Variants in CDC37L1 observed in about 807,000 individuals in gnomAD.
CDC37L1 encodes the protein cell division cycle 37 like 1, HSP90 cochaperone.
In CDC37L1, 32 loss-of-function variants were observed where a neutral mutation model predicts 45.9. The ratio of observed to expected loss-of-function variants is 0.70; its 90% CI spans 0.53 to 0.94. CDC37L1 has a LOEUF of 0.94. Among genes scored for constraint, CDC37L1 ranks in the 40% least tolerant of loss-of-function variants. The pLI is 0.00. For synonymous variants in CDC37L1, 150 were observed against 133.0 expected (o/e 1.13, Z -0.88); for missense variants, 434 against 405.7 (o/e 1.07, Z -0.60).
intron 3 of CDC37L1, among the ~76,000 whole-genome samples, chr9:4,691,040 C>A (rs1025471961): frequency 1.3e-5 from 2 of 152,174 alleles, no homozygotes; most frequent in Non-Finnish European, 2.9e-5. Flanking sequence ...AGGTGTGACA[C>A]AAGACAGTGA....
At position 4,706,751 on chromosome 9, in the gene CDC37L1, A is replaced by T. The variant is rs1444256439; in HGVS notation, c.*639A>T. On this transcript the variant is annotated 3_prime_UTR_variant, in exon 7 of 7. Coordinates refer to ENST00000381854, the MANE Select transcript of CDC37L1 (RefSeq NM_017913.4). ...ACCCTCAAATTATTCTCAAAACTATATTCCTTAGAATTTGATTTTACCCTG... is the reference window on the plus strand; with the variant it reads ...ACCCTCAAATTATTCTCAAAACTATTTTCCTTAGAATTTGATTTTACCCTG... 6.6e-6 allele frequency: 1 copy of T among 152,332 alleles called. No homozygotes were observed. Among genetic ancestry groups the T allele is most frequent in the Non-Finnish European group, 1.5e-5 (1 of 68,030 alleles). The allele number at this position is 152,332 out of a possible 1,614,324, so 9.4% of individuals were successfully genotyped here. A position where few individuals can be genotyped will look rare whatever the true frequency, so the allele number is the denominator to read the frequency against.
intron 3 of CDC37L1, among the ~76,000 whole-genome samples, chr9:4,693,892 G>A (rs1841323616): frequency 6.6e-6 from 1 of 152,162 alleles, no homozygotes; most frequent in South Asian, 2.1e-4. Context: ...GGAAATGGAG[G>A]CATATAAAGG....
chr9:4,697,856 C>T lies in CDC37L1; in HGVS notation c.724C>T (p.Arg242Cys). The T allele has an allele frequency of 1.9e-6, 3 of 1,612,958 alleles. No homozygotes were observed. Among genetic ancestry groups the T allele is most frequent in the Non-Finnish European group, 2.5e-6 (3 of 1,179,430 alleles). Reference sequence around the variant, plus strand: ...TAATGTGGATCCAAGAGGGTGTTTTCGTTTATTTTTCCAGAAAGCCAAAGT... The same window carrying T: ...TAATGTGGATCCAAGAGGGTGTTTTTGTTTATTTTTCCAGAAAGCCAAAGT... ...NCNVDPRGCF[R>C]LFFQKAKAEE... The change falls in exon 5 of 7, where the codon CGT (arginine) becomes TGT (cysteine). Residue 242 changes from arginine (R) to cysteine (C), a missense_variant. By Grantham distance (180) the Arg-to-Cys change is radical. Transcript: ENST00000381854.
chr9:4,703,600 ACCT>A, intron 6 of CDC37L1, among the ~76,000 whole-genome samples: 1 of 152,184 alleles, frequency 6.6e-6, no homozygotes, highest in Non-Finnish European at 1.5e-5. Context: ...CAATATATAA[ACCT>A]CCTGCAATTA....
At chr9:4,683,039 A>G (rs1041722385) in intron 1 of CDC37L1, among the ~76,000 whole-genome samples, 3 of 143,480 alleles carry the variant, frequency 2.1e-5, no homozygotes, top group African/African-American at 7.6e-5. Flanking sequence ...ATTTATATAT[A>G]AAATATATTT....
At chr9:4,681,088 A>G (rs1234666998) in intron 1 of CDC37L1, among the ~76,000 whole-genome samples, 2 of 152,224 alleles carry the variant, frequency 1.3e-5, no homozygotes, top group African/African-American at 4.8e-5. Context: ...TCATCTTTAT[A>G]TACAAAATGT....
chr9:4,695,707 G>C (rs190848565), intron 3 of CDC37L1, among the ~76,000 whole-genome samples: 2 of 152,042 alleles, frequency 1.3e-5, no homozygotes, highest in East Asian at 1.9e-4. Context: ...ATGTTGCTGA[G>C]GTTGGCCTGC....
At chr9:4,687,503 A>C (rs1841258143) in intron 2 of CDC37L1, among the ~76,000 whole-genome samples, 1 of 151,968 alleles carries the variant, frequency 6.6e-6, no homozygotes, top group African/African-American at 2.4e-5. Flanking sequence ...ACATAGCAAG[A>C]CCACGTCTCT....
chr9:4,688,544 C>G lies in CDC37L1; in HGVS notation c.446C>G (p.Thr149Arg). The change falls in exon 3 of 7, where the codon ACA (threonine) becomes AGA (arginine). Residue 149 changes from threonine to arginine, a missense_variant. Transcript: ENST00000381854. ...SFINQDKRKD[T>R]EDEDKSESFM... ...ATTAATCAAGATAAAAGAAAAGACA[C>G]AGAAGATGAAGATAAATCAGAATCA... 1.3e-6 allele frequency: 2 copies of G among 1,529,944 alleles called. No individual in the cohort carries two copies. Among genetic ancestry groups the G allele is most frequent in the Non-Finnish European group, 1.8e-6 (2 of 1,134,386 alleles). The allele number at this position is 1,529,944 out of a possible 1,614,324, so 94.8% of individuals were successfully genotyped here.
At chr9:4,687,678 CAAAA>C (rs59932144) in intron 2 of CDC37L1, among the ~76,000 whole-genome samples, 4 of 58,410 alleles carry the variant, frequency 6.8e-5, no homozygotes, top group Admixed American at 2.2e-4. Flanking sequence ...GACCCCATCT[CAAAA>C]AAAAAAAAAA....
intron 4 of CDC37L1, 55 bp downstream of exon 4, chr9:4,697,266 TA>T (rs1368336577): frequency 7.4e-6 from 6 of 811,598 alleles, no homozygotes; most frequent in Non-Finnish European, 1.3e-5. Context: ...TCTGATTTCA[TA>T]CTTTATTGAT....
intron 1 of CDC37L1, among the ~76,000 whole-genome samples, chr9:4,684,416 A>G (rs1193899049): frequency 6.6e-6 from 1 of 152,262 alleles, no homozygotes; most frequent in African/African-American, 2.4e-5. Context: ...AAATACAGAT[A>G]GAAAATAGAA....
chr9:4,685,181 A>T (rs1287143386), intron 2 of CDC37L1, 23 bp downstream of exon 2: 1 of 1,587,946 alleles, frequency 6.3e-7, no homozygotes, highest in South Asian at 1.1e-5. Context: ...ACTGGGCCAT[A>T]ATGAAAGAAG....
intron 3 of CDC37L1, among the ~76,000 whole-genome samples, chr9:4,689,484 A>G (rs1478292321): frequency 1.3e-5 from 2 of 152,124 alleles, no homozygotes; most frequent in Non-Finnish European, 2.9e-5. Context: ...AGTTATGTCA[A>G]TATAATAAAT....
chr9:4,700,278 C>A (rs1841384834), intron 5 of CDC37L1, among the ~76,000 whole-genome samples: 1 of 152,020 alleles, frequency 6.6e-6, no homozygotes, highest in Non-Finnish European at 1.5e-5. Context: ...GCCTCAGATT[C>A]CCAGGTAGCT....
At chr9:4,683,998 C>T (rs1563766962) in intron 1 of CDC37L1, among the ~76,000 whole-genome samples, 1 of 152,154 alleles carries the variant, frequency 6.6e-6, no homozygotes, top group South Asian at 2.1e-4. Context: ...AGAAATGTAA[C>T]TTTGTGGCCA....
Position 4,708,399 on chromosome 9 carries a change from A to G in CDC37L1, c.*2287A>G, listed in dbSNP as rs1284210780. On this transcript the variant is annotated 3_prime_UTR_variant, in exon 7 of 7. Transcript: ENST00000381854. ...TTGAATAAAAAAATTTTTAAATCAA[A>G]TAGCTGTCCATTTATTCTCTGTTAA... is the stretch of plus-strand genomic sequence containing the variant. The G allele has an allele frequency of 7.6e-6, 1 of 131,214 alleles. No homozygotes were observed. The highest frequency in any genetic ancestry group is 1.6e-5 in the Non-Finnish European group (1 of 62,348). The allele number at this position is 131,214 out of a possible 1,614,324, so 8.1% of individuals were successfully genotyped here.
chr9:4,692,269 A>T (rs1354215226), intron 3 of CDC37L1, among the ~76,000 whole-genome samples: 1 of 151,908 alleles, frequency 6.6e-6, no homozygotes, highest in East Asian at 1.9e-4. Flanking sequence ...ATATGATTTT[A>T]ATGTTTTTTT....
intron 2 of CDC37L1, among the ~76,000 whole-genome samples, chr9:4,686,495 G>T (rs1340475542): frequency 6.7e-6 from 1 of 149,878 alleles, no homozygotes; most frequent in African/African-American, 2.4e-5. Context: ...CAAAACTATT[G>T]AAAATAATTT....
Sources: allele counts gnomAD v4.1 joint callset (sites outside exome capture counted in the v4.1 genomes callset), GRCh38; gene constraint gnomAD v4.1.1; transcripts MANE v1.5; gene names NCBI Gene and HGNC (gene_info 2026-07-23, HGNC 2026-07-21).